Variants in RPSA2 observed in about 807,000 individuals in gnomAD.
RPSA2 encodes small ribosomal subunit protein uS2B.
the RPSA2 span, among the ~76,000 whole-genome samples, chr19:23,841,019 T>G: frequency 6.6e-6 from 1 of 150,408 alleles, no homozygotes; most frequent in Non-Finnish European, 1.5e-5. Context: ...TGCCTTGAAC[T>G]TTACATAAAA....
At chr19:23,777,515 A>G in the RPSA2 span, among the ~76,000 whole-genome samples, 2 of 151,878 alleles carry the variant, frequency 1.3e-5, no homozygotes, top group African/African-American at 4.8e-5. Flanking sequence ...TATTATGAGT[A>G]TTGTGACAAA....
chr19:23,790,807 GC>G, the RPSA2 span: 1 of 543,642 alleles, frequency 1.8e-6, no homozygotes, highest in Non-Finnish European at 3.4e-6. Flanking sequence ...CTGGAGAGGG[GC>G]AAGGGCTGGT....
At chr19:23,769,770 C>G in the RPSA2 span, among the ~76,000 whole-genome samples, 1 of 152,046 alleles carries the variant, frequency 6.6e-6, no homozygotes, top group Non-Finnish European at 1.5e-5. Context: ...ATCACTGGGT[C>G]AAGAACCTAG....
chr19:23,834,672 G>A, the RPSA2 span, among the ~76,000 whole-genome samples: 2 of 151,908 alleles, frequency 1.3e-5, no homozygotes, highest in Non-Finnish European at 2.9e-5. Context: ...AATTATTTGT[G>A]AAATTAACTT....
the RPSA2 span, among the ~76,000 whole-genome samples, chr19:23,837,292 G>A: frequency 7.2e-5 from 11 of 152,098 alleles, no homozygotes; most frequent in Non-Finnish European, 1.6e-4. Context: ...TCAGTTGGCT[G>A]TAAGTATTTG....
chr19:23,841,865 T>C, the RPSA2 span, among the ~76,000 whole-genome samples: 1 of 152,216 alleles, frequency 6.6e-6, no homozygotes, highest in Non-Finnish European at 1.5e-5. Context: ...TGAGTCAGGC[T>C]GAACCAGATG....
chr19:23,811,587 C>G, the RPSA2 span, among the ~76,000 whole-genome samples: 1 of 151,480 alleles, frequency 6.6e-6, no homozygotes. Context: ...TTAAATTTGT[C>G]TGCAATTTTA....
At chr19:23,794,673 G>A in the RPSA2 span, among the ~76,000 whole-genome samples, 1 of 152,144 alleles carries the variant, frequency 6.6e-6, no homozygotes, top group Admixed American at 6.5e-5. Flanking sequence ...TTGCTGTGAA[G>A]AAGCTCTTTA....
chr19:23,839,006 A>G, the RPSA2 span, among the ~76,000 whole-genome samples: 1 of 150,544 alleles, frequency 6.6e-6, no homozygotes, highest in Non-Finnish European at 1.5e-5. Flanking sequence ...TTTGGGTTTC[A>G]TTTGTTCTTG....
At chr19:23,825,030 A>G in the RPSA2 span, among the ~76,000 whole-genome samples, 1 of 151,728 alleles carries the variant, frequency 6.6e-6, no homozygotes, top group African/African-American at 2.4e-5. Flanking sequence ...CCCAGGCTGG[A>G]GTGCAGTGGC....
At chr19:23,859,565 T>G in the RPSA2 span, among the ~76,000 whole-genome samples, 1 of 152,092 alleles carries the variant, frequency 6.6e-6, no homozygotes, top group African/African-American at 2.4e-5. Context: ...AGGTGGAGGT[T>G]GCGGTCAGCT....
the RPSA2 span, chr19:23,758,665 A>G: frequency 1.2e-6 from 2 of 1,610,652 alleles, no homozygotes; most frequent in Admixed American, 3.3e-5. Flanking sequence ...CAGGGCGCAA[A>G]TTGTGGAGCT....
chr19:23,831,445 T>C, the RPSA2 span, among the ~76,000 whole-genome samples: 1 of 152,198 alleles, frequency 6.6e-6, no homozygotes, highest in Non-Finnish European at 1.5e-5. Flanking sequence ...TTAGTTACAT[T>C]TATATATCTA....
chr19:23,825,973 A>G, the RPSA2 span, among the ~76,000 whole-genome samples: 2 of 150,570 alleles, frequency 1.3e-5, no homozygotes, highest in African/African-American at 2.4e-5. Context: ...GGATTTGAAT[A>G]TAATTTAAAA....
the RPSA2 span, among the ~76,000 whole-genome samples, chr19:23,863,275 C>G: frequency 6.6e-6 from 1 of 152,248 alleles, no homozygotes; most frequent in African/African-American, 2.4e-5. Flanking sequence ...TAAAAGTATT[C>G]TAGACAGGCC....
the RPSA2 span, among the ~76,000 whole-genome samples, chr19:23,778,995 C>CGTTTTT: frequency 1.2e-5 from 1 of 80,696 alleles, no homozygotes; most frequent in African/African-American, 5.2e-5. Context: ...TTTTGTGACA[C>CGTTTTT]TTTTTTTTTT....
chr19:23,780,640 CAAACA>C, the RPSA2 span, among the ~76,000 whole-genome samples: 4 of 150,634 alleles, frequency 2.7e-5, no homozygotes, highest in South Asian at 2.1e-4. Context: ...GACTCCGTCT[CAAACA>C]AAACAAAACA....
chr19:23,759,817 C>T, the RPSA2 span, among the ~76,000 whole-genome samples: 5 of 152,028 alleles, frequency 3.3e-5, no homozygotes, highest in East Asian at 3.9e-4. Flanking sequence ...CCACCGCGCC[C>T]GGCCTATATA....
chr19:23,848,310 G>A, the RPSA2 span, among the ~76,000 whole-genome samples: 12 of 152,002 alleles, frequency 7.9e-5, no homozygotes, highest in South Asian at 1.7e-3. Flanking sequence ...TTATATAAAC[G>A]TGCCATGGCG....
Sources: allele counts gnomAD v4.1 joint callset (sites outside exome capture counted in the v4.1 genomes callset), GRCh38; gene constraint gnomAD v4.1.1; transcripts MANE v1.5; gene names NCBI Gene and HGNC (gene_info 2026-07-23, HGNC 2026-07-21).